Variants in GDPD1 observed in about 807,000 individuals in gnomAD.
GDPD1 encodes the protein lysophospholipase D GDPD1.
In GDPD1, 28 loss-of-function variants were observed where a neutral mutation model predicts 45.1. The observed-to-expected ratio is 0.62, with a 90% CI of 0.46 to 0.85. GDPD1 has a LOEUF of 0.85. GDPD1 is among the 40% of genes least tolerant of loss of function. The pLI is 0.00. For synonymous variants in GDPD1, 139 were observed against 131.4 expected (o/e 1.06, Z -0.40); for missense variants, 256 against 364.8 (o/e 0.70, Z 2.43).
chr17:59,270,967 C>A lies in GDPD1; in HGVS notation c.742C>A (p.Gln248Lys). ...LKEPHTMSRS[Q>K]KFLIWLSDLL... is the part of the protein sequence containing the mutation. The stretch of plus-strand genomic sequence containing the variant: ...AGAACCACACACCATGTCCAGAAGT[C>A]AAAAGTTTCTCATCTGGCTTTCTGA... Residue 248 changes from glutamine (Q) to lysine (K), a missense_variant, in exon 8 of 10, where the codon CAA becomes AAA. By Grantham distance (53) the Gln-to-Lys change is moderately conservative. Coordinates refer to ENST00000284116, the MANE Select transcript of GDPD1 (RefSeq NM_182569.4). 2 of 1,604,500 alleles carry A rather than the reference C, an allele frequency of 1.2e-6. No individual in the cohort carries two copies. Among genetic ancestry groups the A allele is most frequent in the South Asian group, 2.2e-5 (2 of 89,494 alleles).
Position 59,264,511 on chromosome 17 carries a change from C to T in GDPD1, c.577-2530C>T, listed in dbSNP as rs531625759. Among the ~76,000 whole-genome samples, 9 of 151,766 alleles carry T rather than the reference C, an allele frequency of 5.9e-5. No individual in the cohort carries two copies. The South Asian group carries it at 1.0e-3, about 18-fold the overall frequency. On this transcript the variant is annotated intron_variant, in intron 6 of 9. Transcript: ENST00000284116. Reference sequence around the variant, plus strand: ...TTCATCATGTTGGCCAGACTGGTCTCGAACTCCTGACCTCAAGTGATCCAC... The same window carrying T: ...TTCATCATGTTGGCCAGACTGGTCTTGAACTCCTGACCTCAAGTGATCCAC...
At chr17:59,230,132 TGTAA>T (rs2047077510) in intron 1 of GDPD1, among the ~76,000 whole-genome samples, 1 of 152,122 alleles carries the variant, frequency 6.6e-6, no homozygotes, top group Non-Finnish European at 1.5e-5. Flanking sequence ...TGAACACTGG[TGTAA>T]GTGTGAAATA....
chr17:59,233,635 T>C (rs2147878150), intron 1 of GDPD1, among the ~76,000 whole-genome samples: 1 of 152,350 alleles, frequency 6.6e-6, no homozygotes, highest in Admixed American at 6.5e-5. Context: ...GATGCTACTA[T>C]GTTACTTAGT....
At position 59,222,505 on chromosome 17, in the gene GDPD1, C is replaced by CTTTTTTTTTTTTTTTTTT. The variant is rs149536097; in HGVS notation, c.142+1763_142+1780dup. Among the ~76,000 whole-genome samples, 229 of 41,744 alleles carry CTTTTTTTTTTTTTTTTTT rather than the reference C, an allele frequency of 5.5e-3. 46 individuals carry two copies. Among genetic ancestry groups the CTTTTTTTTTTTTTTTTTT allele is most frequent in the Non-Finnish European group, 6.4e-3 (140 of 21,766 alleles). The allele number at this position is 41,744 out of a possible 152,430, so 27.4% of individuals were successfully genotyped here. On this transcript the variant is annotated intron_variant, in intron 1 of 9. Transcript: ENST00000284116. ...ACAGGCGTGAGCCACAGTGCCCAGC[C>CTTTTTTTTTTTTTTTTTT]TTTTTTTTTTTTTTTTTTTTTTTTT... is the stretch of plus-strand genomic sequence containing the variant.
chr17:59,265,436 T>A (rs200304823), intron 6 of GDPD1, among the ~76,000 whole-genome samples: 24 of 151,358 alleles, frequency 1.6e-4, no homozygotes, highest in East Asian at 2.0e-4. Context: ...TGTTTGGGAG[T>A]CTGAGGTGTG....
chr17:59,223,837 G>C (rs2047024620), intron 1 of GDPD1, among the ~76,000 whole-genome samples: 1 of 152,184 alleles, frequency 6.6e-6, no homozygotes, highest in South Asian at 2.1e-4. Context: ...CTTGAACCTG[G>C]GAGGCGGAGG....
intron 1 of GDPD1, among the ~76,000 whole-genome samples, chr17:59,233,415 G>A (rs1473472058): frequency 6.7e-6 from 1 of 149,938 alleles, no homozygotes; most frequent in African/African-American, 2.5e-5. Flanking sequence ...GGGAGGCTGA[G>A]ACAGGAGAAT....
rs1415412351 is a variant in GDPD1, at chr17:59,226,886, G to A, written c.142+6135G>A. Among the ~76,000 whole-genome samples, 5 of 149,154 alleles carry A rather than the reference G, an allele frequency of 3.4e-5. No individual in the cohort carries two copies. The Admixed American group carries it at 3.4e-4, about 10-fold the overall frequency. On this transcript the variant is annotated intron_variant, in intron 1 of 9. Coordinates refer to ENST00000284116, the MANE Select transcript of GDPD1 (RefSeq NM_182569.4). The stretch of plus-strand genomic sequence containing the variant: ...AGTAGAGACGGGGTTTCACCATGTT[G>A]GCCAGGCTGGTCTTGAACTCCTGAC...
intron 7 of GDPD1, among the ~76,000 whole-genome samples, chr17:59,268,601 AAGAAAAG>A (rs1254482161): frequency 1.3e-5 from 2 of 148,618 alleles, no homozygotes; most frequent in Non-Finnish European, 3.0e-5. Context: ...AAAAAAAAAA[AAGAAAAG>A]AAAACACTTT....
intron 6 of GDPD1, among the ~76,000 whole-genome samples, chr17:59,265,840 GAT>G (rs1271092872): frequency 6.7e-6 from 1 of 149,230 alleles, no homozygotes; most frequent in Non-Finnish European, 1.5e-5. Flanking sequence ...CAGGGTCGAG[GAT>G]GCAGTGAGCT....
At chr17:59,257,071 A>C (rs1417017636) in intron 4 of GDPD1, 51 bp from the exon 5 acceptor site, 1 of 953,664 alleles carries the variant, frequency 1.0e-6, no homozygotes, top group Admixed American at 2.2e-5. Context: ...CTAGTCATCA[A>C]AAAGTAAAAC....
At chr17:59,238,285 AAG>A (rs1315762076) in intron 2 of GDPD1, among the ~76,000 whole-genome samples, 4 of 151,648 alleles carry the variant, frequency 2.6e-5, no homozygotes, top group Non-Finnish European at 5.9e-5. Flanking sequence ...AAAAAAAAAA[AAG>A]AAGTAATTAA....
At chr17:59,262,718 T>A (rs1484943677) in intron 6 of GDPD1, among the ~76,000 whole-genome samples, 1 of 151,344 alleles carries the variant, frequency 6.6e-6, no homozygotes, top group Non-Finnish European at 1.5e-5. Flanking sequence ...ACCTCCGCCT[T>A]CCGGGTTCAA....
At chr17:59,248,966 T>A in intron 4 of GDPD1, 181 bp downstream of exon 4, 1 of 460,024 alleles carries the variant, frequency 2.2e-6, no homozygotes, top group Non-Finnish European at 3.9e-6. Flanking sequence ...AAGTGATTCA[T>A]TCTGCTTAAA....
At chr17:59,259,585 A>C (rs1399325147) in intron 6 of GDPD1, among the ~76,000 whole-genome samples, 2 of 146,276 alleles carry the variant, frequency 1.4e-5, no homozygotes, top group Non-Finnish European at 3.0e-5. Flanking sequence ...AAAAAAAAAA[A>C]AAAAAATACA....
intron 9 of GDPD1, 101 bp downstream of exon 9, chr17:59,272,937 C>A: frequency 1.2e-6 from 2 of 1,604,006 alleles, no homozygotes; most frequent in East Asian, 4.5e-5. Flanking sequence ...TGGCCCTTGA[C>A]TCTGATGCTG....
In GDPD1 at chr17:59,257,155, C is replaced by T; in HGVS notation, c.401C>T (p.Pro134Leu). 1.2e-6 allele frequency: 2 copies of T among 1,603,320 alleles called. No individual in the cohort carries two copies. Among genetic ancestry groups the T allele is most frequent in the Non-Finnish European group, 1.7e-6 (2 of 1,174,002 alleles). The change falls in exon 5 of 10, where the codon CCA becomes CTA. Residue 134 changes from proline to leucine, a missense_variant. Coordinates refer to ENST00000284116, the MANE Select transcript of GDPD1 (RefSeq NM_182569.4). ...CQCEGKDNRIPLLKEVFEAFP... is the reference protein window; with the variant it reads ...CQCEGKDNRILLLKEVFEAFP... The stretch of plus-strand genomic sequence containing the variant: ...TGTGAAGGAAAAGATAACCGAATTC[C>T]ATTACTGAAGGAAGTTTTTGAGGCC...
At chr17:59,262,870 C>T (rs1010995423) in intron 6 of GDPD1, among the ~76,000 whole-genome samples, 3 of 151,918 alleles carry the variant, frequency 2.0e-5, no homozygotes, top group African/African-American at 4.8e-5. Flanking sequence ...TCAGGTGATC[C>T]GCCCACCTCG....
At chr17:59,226,210 T>A (rs2047046199) in intron 1 of GDPD1, among the ~76,000 whole-genome samples, 1 of 152,186 alleles carries the variant, frequency 6.6e-6, no homozygotes. Flanking sequence ...TTAGCACTCT[T>A]GTCTTTTTAG....
Sources: allele counts gnomAD v4.1 joint callset (sites outside exome capture counted in the v4.1 genomes callset), GRCh38; gene constraint gnomAD v4.1.1; transcripts MANE v1.5; gene names NCBI Gene and HGNC (gene_info 2026-07-23, HGNC 2026-07-21).